The following ZNF423 variants were observed in gnomAD, a reference collection of about 807,000 sequenced individuals.
ZNF423 encodes Ebf-associated zinc finger protein.
A neutral mutation model predicts 95.8 loss-of-function variants in ZNF423; 12 were observed. The observed-to-expected ratio is 0.13, with a 90% confidence interval of 0.08 to 0.20. The LOEUF is 0.20. ZNF423 is among the 10% of genes least tolerant of loss of function. The pLI is 1.00. For missense variants in ZNF423, 1,316 were observed against 1,737.1 expected, an observed-to-expected ratio of 0.76 and a Z score of 4.31; for synonymous variants, 749 against 711.9, an observed-to-expected ratio of 1.05 and a Z score of -0.83.
In ZNF423 at chr16:49,684,766, G is replaced by A. The variant is rs532695426; in HGVS notation, c.302-45892C>T. Among the ~76,000 whole-genome samples the A allele has an allele frequency of 4.3e-3, 648 of 152,290 alleles. 5 individuals are homozygous for A. The highest frequency in any genetic ancestry group is 0.015 in the African/African-American group (631 of 41,554). Reference sequence around the variant, plus strand: ...GCTTGAGCCCTGGGCCCCTCCACCAGGTTAAGCAGCACCCCACTTCCACCC... The same window carrying A: ...GCTTGAGCCCTGGGCCCCTCCACCAAGTTAAGCAGCACCCCACTTCCACCC... On this transcript the variant is annotated intron_variant, in intron 3 of 7. Transcript: ENST00000563137.
intron 7 of ZNF423, among the ~76,000 whole-genome samples, chr16:49,493,691 G>A (rs1258851488): frequency 6.6e-6 from 1 of 152,190 alleles, no homozygotes; most frequent in East Asian, 1.9e-4. Context: ...TAGACACTCA[G>A]GCAGTATTTG....
chr16:49,787,262 T>C (rs2034329456), intron 2 of ZNF423, among the ~76,000 whole-genome samples: 1 of 151,670 alleles, frequency 6.6e-6, no homozygotes, highest in South Asian at 2.1e-4. Context: ...AAGGAAAATT[T>C]ACACATGCAC....
intron 5 of ZNF423, among the ~76,000 whole-genome samples, chr16:49,621,133 G>A (rs1276902511): frequency 1.3e-5 from 2 of 152,172 alleles, no homozygotes; most frequent in African/African-American, 2.4e-5. Context: ...GGGTGAAGGG[G>A]AGGTGGGGAA....
At chr16:49,643,187 C>A (rs1464984099) in intron 3 of ZNF423, among the ~76,000 whole-genome samples, 1 of 152,046 alleles carries the variant, frequency 6.6e-6, no homozygotes, top group African/African-American at 2.4e-5. Context: ...ACACACACAC[C>A]TGCAACTGTG....
At chr16:49,799,232 T>C (rs1476685480) in intron 1 of ZNF423, among the ~76,000 whole-genome samples, 1 of 152,126 alleles carries the variant, frequency 6.6e-6, no homozygotes. Context: ...AATGAGATGA[T>C]ACCCCAAAGC....
rs552421632 is a variant in ZNF423, at chr16:49,590,050, A to ATATATG, written c.3601+36119_3601+36120insCATATA. On this transcript the variant is annotated intron_variant, in intron 5 of 7. Coordinates refer to ENST00000563137, the MANE Select transcript of ZNF423 (RefSeq NM_001379286.1). Reference sequence around the variant, plus strand: ...GGCGAATATATATATATATATATATATTTGGTCCATACAGACGTGACCAGA... The same window carrying ATATATG: ...GGCGAATATATATATATATATATATATATATGTTTGGTCCATACAGACGTGACCAGA... 3.7e-3 allele frequency among the ~76,000 whole-genome samples: 436 copies of ATATATG among 117,526 alleles called. 59 individuals are homozygous for ATATATG. The highest frequency in any genetic ancestry group is 0.021 in the South Asian group (62 of 2,938). 77.1% of individuals were successfully genotyped at this position (117,526 alleles called of 152,430 possible).
chr16:49,634,442 C>T (rs1473886959), intron 4 of ZNF423, among the ~76,000 whole-genome samples: 1 of 152,062 alleles, frequency 6.6e-6, no homozygotes, highest in Non-Finnish European at 1.5e-5. Flanking sequence ...GTGTGTAACA[C>T]CAGAAGTCAA....
intron 5 of ZNF423, among the ~76,000 whole-genome samples, chr16:49,534,227 T>A (rs1567449969): frequency 1.4e-5 from 2 of 142,672 alleles, no homozygotes; most frequent in African/African-American, 5.3e-5. Flanking sequence ...CTGCTATTGT[T>A]ACTTCTCCTT....
chr16:49,568,945 T>C (rs1209679381), intron 5 of ZNF423, among the ~76,000 whole-genome samples: 1 of 152,118 alleles, frequency 6.6e-6, no homozygotes, highest in Non-Finnish European at 1.5e-5. Context: ...TTCATGTCTC[T>C]ACTGTGTGAA....
chr16:49,592,792 T>C (rs1041123792), intron 5 of ZNF423, among the ~76,000 whole-genome samples: 4 of 152,182 alleles, frequency 2.6e-5, no homozygotes, highest in Admixed American at 2.0e-4. Context: ...GGCTATCCCC[T>C]CGCCTCCCCT....
chr16:49,702,230 G>A (rs1020146225), intron 3 of ZNF423, among the ~76,000 whole-genome samples: 3 of 152,312 alleles, frequency 2.0e-5, no homozygotes, highest in Admixed American at 1.3e-4. Context: ...TGCACAAGGC[G>A]GGCCTTTGGA....
At chr16:49,773,946 C>T (rs370521456) in intron 2 of ZNF423, among the ~76,000 whole-genome samples, 7 of 152,252 alleles carry the variant, frequency 4.6e-5, no homozygotes, top group African/African-American at 1.7e-4. Context: ...AACTGGCTGG[C>T]CCCAAGTCTC....
intron 3 of ZNF423, among the ~76,000 whole-genome samples, chr16:49,721,588 C>T (rs1420810019): frequency 6.6e-6 from 1 of 152,152 alleles, no homozygotes; most frequent in Non-Finnish European, 1.5e-5. Context: ...GAACCATCTC[C>T]AGAATCAACC....
intron 5 of ZNF423, among the ~76,000 whole-genome samples, chr16:49,566,117 A>C (rs982666248): frequency 3.4e-4 from 51 of 151,780 alleles, no homozygotes; most frequent in Admixed American, 9.8e-4. Flanking sequence ...GGAGAAGTTG[A>C]CTCCTTACCC....
intron 3 of ZNF423, among the ~76,000 whole-genome samples, chr16:49,679,387 G>T (rs1470348068): frequency 6.6e-6 from 1 of 152,228 alleles, no homozygotes; most frequent in Non-Finnish European, 1.5e-5. Flanking sequence ...TTGGGAGCCT[G>T]GGAGGCCCCC....
At chr16:49,848,328 A>G (rs2035266932) in intron 1 of ZNF423, among the ~76,000 whole-genome samples, 1 of 152,162 alleles carries the variant, frequency 6.6e-6, no homozygotes. Flanking sequence ...ATCTGTATGA[A>G]GCCACCCTTT....
At chr16:49,783,812 A>T (rs1328155307) in intron 2 of ZNF423, among the ~76,000 whole-genome samples, 2 of 151,948 alleles carry the variant, frequency 1.3e-5, no homozygotes, top group East Asian at 3.9e-4. Flanking sequence ...TCTACTAAAA[A>T]TATAAAAATT....
intron 3 of ZNF423, among the ~76,000 whole-genome samples, chr16:49,712,757 G>A (rs1486439793): frequency 6.6e-6 from 1 of 152,222 alleles, no homozygotes; most frequent in African/African-American, 2.4e-5. Context: ...TCCCGGGAGC[G>A]GCGCGATCCG....
At chr16:49,646,568 C>CTTTTTTTTTTTTTTTTTTTTTTTTTTTT (rs1194511671) in intron 3 of ZNF423, among the ~76,000 whole-genome samples, 4 of 120,718 alleles carry the variant, frequency 3.3e-5, no homozygotes, top group Admixed American at 8.8e-5. Context: ...ATTTTCTTTT[C>CTTTTTTTTTTTTTTTTTTTTTTTTTTTT]TTTTTCTTTT....
Sources: gnomAD v4.1 joint callset for allele counts (sites outside exome capture counted in the v4.1 genomes callset) on GRCh38, gnomAD v4.1.1 for gene constraint, MANE v1.5 for transcripts, NCBI Gene and HGNC (gene_info 2026-07-23, HGNC 2026-07-21) for gene names.